The following TNIP3 variants were observed in gnomAD, a reference collection of about 807,000 sequenced individuals.
TNIP3 encodes TNFAIP3-interacting protein 3.
Under a neutral mutation model 54.1 loss-of-function variants are expected in TNIP3, and 34 were observed. That is an observed-to-expected ratio of 0.63 (90% CI 0.48 to 0.84). The LOEUF is 0.84. Among genes scored for constraint, TNIP3 ranks in the 40% least tolerant of loss-of-function variants. The probability of loss-of-function intolerance (pLI) is 0.00; values close to 1 mark genes in which losing one functional copy is unlikely to be tolerated. For missense variants in TNIP3, 366 were observed against 387.6 expected, an observed-to-expected ratio of 0.94 and a Z score of 0.47; for synonymous variants, 134 against 136.8, an observed-to-expected ratio of 0.98 and a Z score of 0.14.
upstream of TNIP3, among the ~76,000 whole-genome samples, chr4:121,216,811 G>A (rs1273364495): frequency 6.6e-6 from 1 of 152,152 alleles, no homozygotes; most frequent in Non-Finnish European, 1.5e-5. Context: ...AATACATAGA[G>A]CATGAACGGT....
chr4:121,136,618 G>A (rs1288067229), intron 10 of TNIP3: 2 of 152,120 alleles, frequency 1.3e-5, no homozygotes, highest in Non-Finnish European at 2.9e-5. Flanking sequence ...CCAGAGGCAG[G>A]AGGATCACTT....
intron 3 of TNIP3, among the ~76,000 whole-genome samples, chr4:121,179,135 G>C (rs1005433389): frequency 6.6e-6 from 1 of 152,162 alleles, no homozygotes; most frequent in African/African-American, 2.4e-5. Context: ...CATGTGAAAT[G>C]ATAGCACAGG....
chr4:121,169,325 C>T (rs1181164588), intron 3 of TNIP3, among the ~76,000 whole-genome samples: 2 of 152,300 alleles, frequency 1.3e-5, no homozygotes, highest in African/African-American at 4.8e-5. Context: ...CCACATGGTA[C>T]ATCCCCTCAC....
At chr4:121,224,973 TA>T (rs1727197171) in intron 1 of TNIP3, among the ~76,000 whole-genome samples, 1 of 152,192 alleles carries the variant, frequency 6.6e-6, no homozygotes, top group Non-Finnish European at 1.5e-5. Flanking sequence ...CTGTAATCTA[TA>T]TATCTATATT....
chr4:121,138,781 G>C, intron 9 of TNIP3, 97 bp from the exon 10 acceptor site: 1 of 1,145,838 alleles, frequency 8.7e-7, no homozygotes, highest in Non-Finnish European at 1.3e-6. Context: ...TATTAAGCAG[G>C]CAACACAAAA....
intron 2 of TNIP3, 69 bp downstream of exon 2, chr4:121,161,067 A>G (rs555534026): frequency 2.9e-4 from 351 of 1,213,264 alleles, no homozygotes; most frequent in Non-Finnish European, 3.9e-4. Context: ...AGGCACAAGG[A>G]TAATACATTA....
chr4:121,204,954 G>C (rs1726100494), intron 2 of TNIP3, among the ~76,000 whole-genome samples: 1 of 152,130 alleles, frequency 6.6e-6, no homozygotes, highest in Non-Finnish European at 1.5e-5. Flanking sequence ...TCATATTTCA[G>C]TATGTTCATT....
At chr4:121,177,083 A>G (rs1724402471) in intron 3 of TNIP3, among the ~76,000 whole-genome samples, 1 of 152,212 alleles carries the variant, frequency 6.6e-6, no homozygotes, top group Non-Finnish European at 1.5e-5. Context: ...CTTGTTTTCA[A>G]GCATTATTGG....
chr4:121,209,073 C>G (rs1726335989), intron 2 of TNIP3, among the ~76,000 whole-genome samples: 1 of 152,182 alleles, frequency 6.6e-6, no homozygotes, highest in African/African-American at 2.4e-5. Flanking sequence ...TACTCTTGAG[C>G]AAGGAGATTT....
intron 2 of TNIP3, among the ~76,000 whole-genome samples, chr4:121,187,044 A>AT (rs1289293859): frequency 6.6e-6 from 1 of 152,176 alleles, no homozygotes; most frequent in Non-Finnish European, 1.5e-5. Flanking sequence ...ATCAAAGTTC[A>AT]TTTTTTCCTA....
chr4:121,210,761 T>C (rs891577789), intron 2 of TNIP3, among the ~76,000 whole-genome samples: 1 of 152,154 alleles, frequency 6.6e-6, no homozygotes, highest in African/African-American at 2.4e-5. Context: ...AATCCTATTG[T>C]ACCAGAGCCC....
chr4:121,165,570 C>T (rs1413737919), upstream of TNIP3, among the ~76,000 whole-genome samples: 2 of 152,102 alleles, frequency 1.3e-5, no homozygotes, highest in African/African-American at 4.8e-5. Context: ...CTGTCTGGCA[C>T]ACAGCAGGCA....
chr4:121,227,425 G>T, exon 1 of TNIP3: 1 of 1,528,500 alleles, frequency 6.5e-7, no homozygotes, highest in Non-Finnish European at 8.8e-7. Flanking sequence ...CTAGGTAAGC[G>T]TATTACAAGG....
chr4:121,145,184 C>A (rs6837539), intron 7 of TNIP3, among the ~76,000 whole-genome samples: 7,959 of 152,242 alleles, frequency 0.052, 695 homozygotes, highest in African/African-American at 0.18. Context: ...AATGTCAGTT[C>A]TTTTTAAAAT....
chr4:121,211,850 C>T lies in TNIP3; in HGVS notation c.68+4565G>A, dbSNP rs139909722. 3.6e-3 allele frequency among the ~76,000 whole-genome samples: 551 copies of T among 152,340 alleles called. 1 individual carries two copies. The highest frequency in any genetic ancestry group is 0.013 in the African/African-American group (527 of 41,578). ...ACAGATTTAAAATTCATTCAGCTGGCTGCAGGTTGTCTGTGGCCTGCCTGG... is the reference window on the plus strand; with the variant it reads ...ACAGATTTAAAATTCATTCAGCTGGTTGCAGGTTGTCTGTGGCCTGCCTGG... On this transcript the variant is annotated intron_variant, in intron 2 of 12. Transcript: ENST00000507879.
chr4:121,141,092 G>C (rs146872443), intron 9 of TNIP3, among the ~76,000 whole-genome samples: 1 of 152,138 alleles, frequency 6.6e-6, no homozygotes, highest in Non-Finnish European at 1.5e-5. Context: ...AAAGGGTAGC[G>C]GGATTTGTCT....
At chr4:121,162,921 G>T (rs1041922554) in intron 1 of TNIP3, among the ~76,000 whole-genome samples, 3 of 152,138 alleles carry the variant, frequency 2.0e-5, no homozygotes, top group African/African-American at 7.2e-5. Flanking sequence ...ACATTTGTAT[G>T]TCCCTGCCTT....
At chr4:121,196,289 C>A (rs1200951453) in intron 2 of TNIP3, among the ~76,000 whole-genome samples, 1 of 152,062 alleles carries the variant, frequency 6.6e-6, no homozygotes, top group African/African-American at 2.4e-5. Flanking sequence ...CCATTTTAAA[C>A]CTGTGTTTGT....
chr4:121,141,902 G>T lies in TNIP3; in HGVS notation c.799C>A (p.Pro267Thr). ...EKQLKQMYCP[P>T]CNCGLVFHLQ... Reference sequence around the variant, plus strand: ...TGGAAAACCAAGCCGCAGTTACAGGGTGGGCAATACATCTGAGGAGAACAA... The same window carrying T: ...TGGAAAACCAAGCCGCAGTTACAGGTTGGGCAATACATCTGAGGAGAACAA... Residue 267 changes from proline (P) to threonine (T), a missense_variant, in exon 9 of 11, where the codon CCC (proline) becomes ACC (threonine). Pro to Thr is a conservative substitution (Grantham distance 38). Coordinates refer to ENST00000057513, the MANE Select transcript of TNIP3 (RefSeq NM_024873.6). The T allele has an allele frequency of 6.3e-7, 1 of 1,598,358 alleles. No homozygotes were observed. Among genetic ancestry groups the T allele is most frequent in the Non-Finnish European group, 8.5e-7 (1 of 1,172,654 alleles).
Sources: gnomAD v4.1 joint callset for allele counts (sites outside exome capture counted in the v4.1 genomes callset) on GRCh38, gnomAD v4.1.1 for gene constraint, MANE v1.5 for transcripts, NCBI Gene and HGNC (gene_info 2026-07-23, HGNC 2026-07-21) for gene names.